Variants in CLIP1 observed in about 807,000 individuals in gnomAD.
The protein encoded by CLIP1 is CAP-Gly domain-containing linker protein 1.
CLIP1 carries 66 observed loss-of-function variants against 161.6 expected under a neutral mutation model. The observed-to-expected ratio is 0.41, with a 90% CI of 0.33 to 0.50. The LOEUF (loss-of-function observed/expected upper bound fraction) is 0.50. Among genes scored for constraint, CLIP1 ranks in the 20% least tolerant of loss-of-function variants. The pLI, the probability that CLIP1 is intolerant of heterozygous loss-of-function variation, is 0.27. For synonymous variants in CLIP1, 598 were observed against 626.2 expected, an observed-to-expected ratio of 0.96 and a Z score of 0.67; for missense variants, 1,376 against 1,702.0, an observed-to-expected ratio of 0.81 and a Z score of 3.37.
intron 3 of CLIP1, chr12:122,365,732 G>T: frequency 1.6e-6 from 1 of 635,504 alleles, no homozygotes. Flanking sequence ...TTGTGGCTGG[G>T]CACAGTGGTT....
At chr12:122,373,165 C>T (rs1185771556) in intron 3 of CLIP1, among the ~76,000 whole-genome samples, 2 of 152,076 alleles carry the variant, frequency 1.3e-5, no homozygotes, top group African/African-American at 4.8e-5. Flanking sequence ...TGGCTCACGC[C>T]TGTAATCGCA....
At chr12:122,344,415 G>T (rs1281841866) in intron 10 of CLIP1, among the ~76,000 whole-genome samples, 1 of 147,124 alleles carries the variant, frequency 6.8e-6, no homozygotes, top group Non-Finnish European at 1.5e-5. Flanking sequence ...AACCCATCAG[G>T]ATCTGGCAGA....
intron 3 of CLIP1, among the ~76,000 whole-genome samples, chr12:122,370,174 AAAG>A (rs1160083389): frequency 6.6e-5 from 10 of 151,658 alleles, no homozygotes; most frequent in South Asian, 2.1e-4. Context: ...AAAAAAAAAA[AAAG>A]AAGAAGAAGA....
intron 1 of CLIP1, among the ~76,000 whole-genome samples, chr12:122,408,966 C>T (rs1440907017): frequency 6.6e-6 from 1 of 152,166 alleles, no homozygotes; most frequent in Non-Finnish European, 1.5e-5. Flanking sequence ...TCTGCACAAC[C>T]ATGCCCGGCT....
intron 10 of CLIP1, chr12:122,344,134 T>C (rs1025138380): frequency 6.6e-6 from 1 of 152,196 alleles, no homozygotes; most frequent in Non-Finnish European, 1.5e-5. Flanking sequence ...ATAACAGATA[T>C]GTTTTCTTTC....
intron 14 of CLIP1, 118 bp from the exon 15 acceptor site, chr12:122,333,261 C>T: frequency 1.4e-6 from 1 of 731,952 alleles, no homozygotes; most frequent in Non-Finnish European, 2.2e-6. Flanking sequence ...ATAAAAATCA[C>T]ATTCTAGTGA....
intron 2 of CLIP1, among the ~76,000 whole-genome samples, chr12:122,378,716 C>T (rs1219989937): frequency 1.3e-5 from 2 of 152,112 alleles, no homozygotes; most frequent in African/African-American, 4.8e-5. Flanking sequence ...AGGACTATTC[C>T]AGGCACAGTG....
At chr12:122,339,372 C>T (rs1018761584) in intron 11 of CLIP1, among the ~76,000 whole-genome samples, 4 of 152,022 alleles carry the variant, frequency 2.6e-5, no homozygotes, top group African/African-American at 9.7e-5. Context: ...GAGTCTTGCT[C>T]TGTCGCCCAG....
intron 1 of CLIP1, among the ~76,000 whole-genome samples, chr12:122,414,579 C>T (rs573253349): frequency 1.3e-5 from 2 of 152,242 alleles, no homozygotes; most frequent in East Asian, 3.9e-4. Context: ...ATTCTCCTGC[C>T]TCAGTCTCCC....
At chr12:122,306,225 G>A (rs545713607) in intron 20 of CLIP1, among the ~76,000 whole-genome samples, 50 of 152,018 alleles carry the variant, frequency 3.3e-4, no homozygotes, top group African/African-American at 1.2e-3. Context: ...AGATGGCCTC[G>A]TGTGGGACCT....
chr12:122,306,956 T>C (rs1221900245), intron 20 of CLIP1, among the ~76,000 whole-genome samples: 1 of 148,500 alleles, frequency 6.7e-6, no homozygotes, highest in Non-Finnish European at 1.5e-5. Flanking sequence ...ATTTCAAATC[T>C]CAGCTCCTCC....
intron 10 of CLIP1, 76 bp from the exon 11 acceptor site, chr12:122,341,773 T>A (rs1415939128): frequency 1.7e-6 from 1 of 593,172 alleles, no homozygotes; most frequent in Admixed American, 5.2e-5. Flanking sequence ...TTTTTTTTTT[T>A]TTTTTTTTTT....
rs542864645 is a variant in CLIP1 at position 122,357,400 on chromosome 12, G to A, written c.1006-2088C>T. ...TGAGAAGTGAGGAGCCCCTCCGCCC[G>A]GCAGCCGCCCTGTCTGAGAAGTGAA... On this transcript the variant is annotated intron_variant, in intron 5 of 25. Coordinates refer to ENST00000620786, the MANE Select transcript of CLIP1 (RefSeq NM_001247997.2). Among the ~76,000 whole-genome samples, 33 of 150,330 alleles carry A rather than the reference G, an allele frequency of 2.2e-4. No individual in the cohort carries two copies. In the South Asian group the frequency reaches 5.3e-3, roughly 24 times the overall value.
In CLIP1 at chr12:122,295,364, C is replaced by T. The variant is rs556430514; in HGVS notation, c.3595-6823G>A. On this transcript the variant is annotated intron_variant, in intron 20 of 25. Transcript: ENST00000620786. ...CAGCCTGGGGAACAGAGTGAGACTC[C>T]GTTTCAAAAAATTAAAAAGAAACTA... Among the ~76,000 whole-genome samples, 16 of 152,050 alleles carry T rather than the reference C, an allele frequency of 1.1e-4. No homozygotes were observed. The East Asian group carries it at 1.7e-3, about 17-fold the overall frequency.
chr12:122,371,613 T>C (rs1394785905), intron 3 of CLIP1, among the ~76,000 whole-genome samples: 1 of 152,124 alleles, frequency 6.6e-6, no homozygotes, highest in Non-Finnish European at 1.5e-5. Flanking sequence ...GCATGGACGG[T>C]GCCATGCAAG....
chr12:122,357,672 G>T (rs550332910), intron 5 of CLIP1, among the ~76,000 whole-genome samples: 1 of 137,324 alleles, frequency 7.3e-6, no homozygotes, highest in African/African-American at 2.8e-5. Context: ...CAGCCGCCCC[G>T]TCCGGGAGGG....
chr12:122,328,220 C>T (rs757959424), intron 16 of CLIP1, 41 bp downstream of exon 16: 1 of 1,613,366 alleles, frequency 6.2e-7, no homozygotes, highest in Admixed American at 1.7e-5. Context: ...CTATCCCTTG[C>T]CTTCCTTGCC....
At chr12:122,300,091 T>C (rs969561354) in intron 20 of CLIP1, among the ~76,000 whole-genome samples, 3 of 152,106 alleles carry the variant, frequency 2.0e-5, no homozygotes, top group Non-Finnish European at 4.4e-5. Flanking sequence ...GACCCTTCTC[T>C]ACCAAAAACA....
At chr12:122,274,946 G>A (rs917426854) in intron 24 of CLIP1, 2 of 152,162 alleles carry the variant, frequency 1.3e-5, no homozygotes, top group African/African-American at 4.8e-5. Context: ...CTGCCTCCCG[G>A]GTTCAAGTGA....
Sources: gnomAD v4.1 joint callset for allele counts (sites outside exome capture counted in the v4.1 genomes callset) on GRCh38, gnomAD v4.1.1 for gene constraint, MANE v1.5 for transcripts, NCBI Gene and HGNC (gene_info 2026-07-23, HGNC 2026-07-21) for gene names.